Variants in LAMA4 observed in about 807,000 individuals in gnomAD.
LAMA4 encodes laminin subunit alpha 4.
In LAMA4, 127 loss-of-function variants were observed where a neutral mutation model predicts 207.1. The observed-to-expected ratio is 0.61, with a 90% CI of 0.53 to 0.71. The LOEUF (loss-of-function observed/expected upper bound fraction) is 0.71, where lower values mean the gene tolerates loss of function less well. Among genes scored for constraint, LAMA4 ranks in the 30% least tolerant of loss-of-function variants. LAMA4 has a pLI of 0.00. For missense variants in LAMA4, 2,093 were observed against 2,246.5 expected (o/e 0.93, Z 1.38); for synonymous variants, 761 against 816.0 (o/e 0.93, Z 1.15).
intron 3 of LAMA4, among the ~76,000 whole-genome samples, chr6:112,207,631 A>G (rs1191216006): frequency 6.6e-6 from 1 of 151,488 alleles, no homozygotes; most frequent in Non-Finnish European, 1.5e-5. Flanking sequence ...AGACTGTAGT[A>G]TAAATGGAGT....
intron 9 of LAMA4, chr6:112,179,504 C>T (rs1782218169): frequency 1.3e-5 from 2 of 152,252 alleles, no homozygotes; most frequent in African/African-American, 2.4e-5. Context: ...TCTTTAAAAA[C>T]TGCTACAATA....
intron 2 of LAMA4, among the ~76,000 whole-genome samples, chr6:112,229,966 G>A (rs1019641824): frequency 6.6e-6 from 1 of 152,006 alleles, no homozygotes; most frequent in South Asian, 2.1e-4. Flanking sequence ...TTTCATATGT[G>A]GGGAACAAAT....
At chr6:112,154,432 T>C (rs782588950) in intron 16 of LAMA4, among the ~76,000 whole-genome samples, 4 of 151,286 alleles carry the variant, frequency 2.6e-5, no homozygotes, top group Non-Finnish European at 4.4e-5. Context: ...TGACTCACAG[T>C]GATGACTCGT....
chr6:112,219,164 A>G lies in LAMA4; in HGVS notation c.196-2695T>C, dbSNP rs190283749. ...CTTTGAAATTTCGAAGGACCTGGCA[A>G]AATTGGCCTTTTTGTAATATCAAAA... On this transcript the variant is annotated intron_variant, in intron 2 of 38. Coordinates refer to ENST00000230538, the MANE Select transcript of LAMA4 (RefSeq NM_001105206.3). 2.2e-4 allele frequency: 33 copies of G among 152,338 alleles called. No individual in the cohort carries two copies. The East Asian group carries it at 6.4e-3, about 29-fold the overall frequency. The allele number at this position is 152,338 out of a possible 1,614,324, so 9.4% of individuals were successfully genotyped here. A position where few individuals can be genotyped will look rare whatever the true frequency, so the allele number is the denominator to read the frequency against.
intron 9 of LAMA4, among the ~76,000 whole-genome samples, chr6:112,180,581 G>A (rs1782298040): frequency 6.6e-6 from 1 of 152,182 alleles, no homozygotes; most frequent in Non-Finnish European, 1.5e-5. Flanking sequence ...AAATGTATTA[G>A]TCATTTGCTC....
chr6:112,145,055 C>T (rs1583706498), intron 18 of LAMA4, 122 bp from the exon 19 acceptor site: 1 of 967,570 alleles, frequency 1.0e-6, no homozygotes, highest in East Asian at 2.6e-5. Context: ...TTTAATCCTG[C>T]AAAATTAATA....
intron 2 of LAMA4, among the ~76,000 whole-genome samples, chr6:112,228,097 G>T (rs1554363149): frequency 6.6e-6 from 1 of 152,192 alleles, no homozygotes; most frequent in African/African-American, 2.4e-5. Context: ...CTTCCTTAGG[G>T]ATCAAGAGAG....
At chr6:112,149,556 T>C (rs782422697) in intron 17 of LAMA4, among the ~76,000 whole-genome samples, 13 of 152,306 alleles carry the variant, frequency 8.5e-5, no homozygotes, top group Admixed American at 2.6e-4. Flanking sequence ...TTCTCTCTCC[T>C]GTCACCCTGT....
intron 22 of LAMA4, 142 bp downstream of exon 22, chr6:112,140,618 G>A: frequency 1.3e-6 from 1 of 755,756 alleles, no homozygotes; most frequent in South Asian, 1.5e-5. Context: ...CAGGTTTATA[G>A]ATTCTGGTTC....
intron 12 of LAMA4, among the ~76,000 whole-genome samples, chr6:112,167,527 T>C (rs1247233114): frequency 2.0e-5 from 3 of 152,198 alleles, no homozygotes; most frequent in Non-Finnish European, 4.4e-5. Flanking sequence ...GGATTTTAAA[T>C]TTTGTTGGAA....
rs116081731 is a variant in LAMA4, at chr6:112,110,905, G to T, written c.5327-1323C>A. ...CTAGGATCCTAAGTAATTGATTAAT[G>T]AAATTAATGCATAATTTTTAGAGAG... On this transcript the variant is annotated intron_variant, in intron 38 of 38. Transcript: ENST00000230538. Among the ~76,000 whole-genome samples the T allele has an allele frequency of 7.0e-3, 1,059 of 152,284 alleles. 10 individuals are homozygous for T. Among genetic ancestry groups the T allele is most frequent in the African/African-American group, 0.022 (906 of 41,556 alleles).
At chr6:112,240,546 C>T (rs924155381) in intron 2 of LAMA4, among the ~76,000 whole-genome samples, 1 of 152,146 alleles carries the variant, frequency 6.6e-6, no homozygotes, top group African/African-American at 2.4e-5. Flanking sequence ...TCCACCAACC[C>T]CCTACTACCC....
chr6:112,206,973 A>T (rs373611505), intron 4 of LAMA4, 48 bp downstream of exon 4: 2 of 1,610,404 alleles, frequency 1.2e-6, no homozygotes, highest in South Asian at 1.1e-5. Context: ...AAAACAAAAC[A>T]ATACATAGAC....
intron 5 of LAMA4, among the ~76,000 whole-genome samples, chr6:112,194,990 G>A (rs1783327827): frequency 6.6e-6 from 1 of 152,146 alleles, no homozygotes; most frequent in Non-Finnish European, 1.5e-5. Context: ...TGGGCAAAAT[G>A]GAAAACCAAA....
intron 24 of LAMA4, 109 bp downstream of exon 24, chr6:112,139,011 T>G: frequency 8.9e-7 from 1 of 1,129,062 alleles, no homozygotes; most frequent in Non-Finnish European, 1.3e-6. Flanking sequence ...TAAACTAGAA[T>G]TTCAGTTTGA....
rs1342468403 is a variant in LAMA4 at position 112,175,061 on chromosome 6, C to A, written c.1357+252G>T. Among the ~76,000 whole-genome samples the A allele has an allele frequency of 3.3e-5, 5 of 152,032 alleles. No homozygotes were observed. In the South Asian group the frequency reaches 6.2e-4, roughly 19 times the overall value. Reference sequence around the variant, plus strand: ...TTCTACTGTTTTATACGTTTTTCACCAACTGCTATAGATTCCTTGTGGCAT... The same window carrying A: ...TTCTACTGTTTTATACGTTTTTCACAAACTGCTATAGATTCCTTGTGGCAT... On this transcript the variant is annotated intron_variant, in intron 11 of 38. Transcript: ENST00000230538.
intron 4 of LAMA4, among the ~76,000 whole-genome samples, chr6:112,206,506 T>C (rs73542543): frequency 0.055 from 8,320 of 152,256 alleles, 712 homozygotes; most frequent in African/African-American, 0.19. Flanking sequence ...TAACTACTCA[T>C]TCAGGTCAAA....
intron 2 of LAMA4, 83 bp downstream of exon 2, chr6:112,253,873 G>A: frequency 1.9e-6 from 3 of 1,614,122 alleles, no homozygotes; most frequent in African/African-American, 2.7e-5. Context: ...GGAAAGAGGC[G>A]GAGAGAGAGA....
chr6:112,154,033 C>T (rs1249713337), intron 16 of LAMA4, among the ~76,000 whole-genome samples: 2 of 151,934 alleles, frequency 1.3e-5, no homozygotes, highest in African/African-American at 4.8e-5. Flanking sequence ...CAAACTTGGC[C>T]TTTGTTTTTA....
Sources: allele counts gnomAD v4.1 joint callset (sites outside exome capture counted in the v4.1 genomes callset), GRCh38; gene constraint gnomAD v4.1.1; transcripts MANE v1.5; gene names NCBI Gene and HGNC (gene_info 2026-07-23, HGNC 2026-07-21).